Variants in BACH2 observed in about 807,000 individuals in gnomAD.
The protein encoded by BACH2 is BACH transcriptional regulator 2.
In BACH2, 5 loss-of-function variants were observed where a neutral mutation model predicts 61.8. That is an observed-to-expected ratio of 0.08 (90% CI 0.04 to 0.17). The LOEUF is 0.17. Ranked by LOEUF, BACH2 falls within the 10% of genes least tolerant of loss-of-function variation. The pLI, the probability that BACH2 is intolerant of heterozygous loss-of-function variation, is 1.00. For synonymous variants in BACH2, 446 were observed against 440.1 expected (o/e 1.01, Z -0.17); for missense variants, 824 against 1,091.1 (o/e 0.76, Z 3.45).
At chr6:90,038,253 G>A (rs368929002) in intron 5 of BACH2, among the ~76,000 whole-genome samples, 6 of 152,114 alleles carry the variant, frequency 3.9e-5, no homozygotes, top group South Asian at 2.1e-4. Context: ...TCAAGTAGAC[G>A]CATTCATGTA....
chr6:90,260,681 C>T (rs565040936), intron 2 of BACH2, among the ~76,000 whole-genome samples: 1 of 152,192 alleles, frequency 6.6e-6, no homozygotes, highest in Non-Finnish European at 1.5e-5. Context: ...ATAATATACA[C>T]ATTTCGACCA....
chr6:90,166,686 A>G (rs1259796638), intron 4 of BACH2, among the ~76,000 whole-genome samples: 1 of 152,222 alleles, frequency 6.6e-6, no homozygotes, highest in Non-Finnish European at 1.5e-5. Context: ...CTGGATTAAG[A>G]AAATGTGGCA....
At chr6:90,246,557 T>C (rs577508932) in intron 3 of BACH2, among the ~76,000 whole-genome samples, 1 of 152,264 alleles carries the variant, frequency 6.6e-6, no homozygotes, top group African/African-American at 2.4e-5. Flanking sequence ...CAAAATAACA[T>C]GTTCTCTTAG....
At position 90,255,728 on chromosome 6, in the gene BACH2, A is replaced by G. The variant is rs1333375303; in HGVS notation, c.-352-3138T>C. 2.0e-5 allele frequency among the ~76,000 whole-genome samples: 3 copies of G among 152,232 alleles called. No individual in the cohort carries two copies. In the East Asian group the frequency reaches 5.8e-4, roughly 29 times the overall value. On this transcript the variant is annotated intron_variant, in intron 2 of 8. Coordinates refer to ENST00000257749, the MANE Select transcript of BACH2 (RefSeq NM_021813.4). ...GAAGCAGCAAGGTTCATTCATTTGTATTAGAGAAAAGTGCAAGATAAATGG... is the reference window on the plus strand; with the variant it reads ...GAAGCAGCAAGGTTCATTCATTTGTGTTAGAGAAAAGTGCAAGATAAATGG...
intron 4 of BACH2, among the ~76,000 whole-genome samples, chr6:90,179,543 T>G (rs1768089285): frequency 6.6e-6 from 1 of 152,186 alleles, no homozygotes; most frequent in Non-Finnish European, 1.5e-5. Flanking sequence ...GGATAAGGCT[T>G]AGTTCTGGAC....
At chr6:90,234,074 C>CCA (rs1770185557) in intron 3 of BACH2, among the ~76,000 whole-genome samples, 1 of 152,172 alleles carries the variant, frequency 6.6e-6, no homozygotes, top group South Asian at 2.1e-4. Context: ...TTATCACCAC[C>CCA]CACATCAGCA....
chr6:90,052,590 T>G (rs541346628), intron 5 of BACH2, among the ~76,000 whole-genome samples: 2 of 152,160 alleles, frequency 1.3e-5, no homozygotes, highest in Non-Finnish European at 2.9e-5. Context: ...TGGCTAATTT[T>G]TCATATTTTT....
intron 7 of BACH2, among the ~76,000 whole-genome samples, chr6:89,940,703 C>T (rs956131328): frequency 3.3e-5 from 5 of 152,190 alleles, no homozygotes; most frequent in East Asian, 1.9e-4. Flanking sequence ...ATACGAGCTA[C>T]ATTTGTGATT....
At chr6:90,089,243 C>G (rs1031458526) in intron 4 of BACH2, 134 bp from the exon 5 acceptor site, 1 of 152,108 alleles carries the variant, frequency 6.6e-6, no homozygotes, top group Admixed American at 6.6e-5. Context: ...CTCTGGCTGT[C>G]GGCCTCTTGA....
At chr6:90,038,215 C>A (rs1360096969) in intron 5 of BACH2, among the ~76,000 whole-genome samples, 3 of 152,094 alleles carry the variant, frequency 2.0e-5, no homozygotes, top group Non-Finnish European at 2.9e-5. Flanking sequence ...AGTATACCAA[C>A]CATAAGGGCA....
intron 4 of BACH2, among the ~76,000 whole-genome samples, chr6:90,166,285 C>T (rs1416748100): frequency 6.6e-6 from 1 of 151,954 alleles, no homozygotes; most frequent in East Asian, 1.9e-4. Context: ...ATTTATGCAG[C>T]CAAAAGACAC....
At chr6:90,125,030 G>A (rs1036062023) in intron 4 of BACH2, among the ~76,000 whole-genome samples, 2 of 151,850 alleles carry the variant, frequency 1.3e-5, no homozygotes, top group African/African-American at 4.8e-5. Flanking sequence ...TACATTTATC[G>A]GCCATCTGTA....
intron 6 of BACH2, among the ~76,000 whole-genome samples, chr6:89,987,816 T>C (rs561012431): frequency 2.1e-4 from 32 of 152,236 alleles, no homozygotes; most frequent in South Asian, 1.5e-3. Context: ...TTTTTTAACC[T>C]CCAATCCTTG....
At chr6:90,167,416 C>T (rs1002175811) in intron 4 of BACH2, among the ~76,000 whole-genome samples, 1 of 152,088 alleles carries the variant, frequency 6.6e-6, no homozygotes, top group East Asian at 1.9e-4. Flanking sequence ...AGTGCAATGG[C>T]ATGATCTCAG....
At chr6:89,992,114 C>T (rs1351185653) in intron 6 of BACH2, among the ~76,000 whole-genome samples, 1 of 152,194 alleles carries the variant, frequency 6.6e-6, no homozygotes, top group African/African-American at 2.4e-5. Flanking sequence ...CACTCTGTTG[C>T]CACCTACTTT....
At chr6:90,217,393 T>A (rs1296560578) in intron 3 of BACH2, among the ~76,000 whole-genome samples, 1 of 152,140 alleles carries the variant, frequency 6.6e-6, no homozygotes, top group Non-Finnish European at 1.5e-5. Flanking sequence ...TGAGGAACAA[T>A]GTTGATGTTG....
intron 5 of BACH2, among the ~76,000 whole-genome samples, chr6:90,033,756 C>T (rs1779128503): frequency 6.6e-6 from 1 of 151,970 alleles, no homozygotes; most frequent in Non-Finnish European, 1.5e-5. Flanking sequence ...AGGAGCATCA[C>T]CTTCTTAAAA....
chr6:89,982,328 T>G (rs1582137592), intron 6 of BACH2, among the ~76,000 whole-genome samples: 1 of 150,298 alleles, frequency 6.7e-6, no homozygotes, highest in East Asian at 2.0e-4. Flanking sequence ...CACGTGGGGG[T>G]GGGGTAGAGA....
At position 89,929,080 on chromosome 6, in the gene BACH2, A is replaced by T. The variant is rs540785563; in HGVS notation, c.*3328T>A. The T allele has an allele frequency of 3.4e-5, 5 of 146,540 alleles. No homozygotes were observed. The East Asian group carries it at 1.1e-3, about 32-fold the overall frequency. The allele number at this position is 146,540 out of a possible 1,614,324, so 9.1% of individuals were successfully genotyped here. Reference sequence around the variant, plus strand: ...AAGGGGAGGACTGGATTTAGGTGGGATGTTCATTAGTCTCAGGGTCACTCA... The same window carrying T: ...AAGGGGAGGACTGGATTTAGGTGGGTTGTTCATTAGTCTCAGGGTCACTCA... On this transcript the variant is annotated 3_prime_UTR_variant, in exon 9 of 9. Transcript: ENST00000257749.
Sources: gnomAD v4.1 joint callset for allele counts (sites outside exome capture counted in the v4.1 genomes callset) on GRCh38, gnomAD v4.1.1 for gene constraint, MANE v1.5 for transcripts, NCBI Gene and HGNC (gene_info 2026-07-23, HGNC 2026-07-21) for gene names.